PRPF6: variants seen among roughly 807,000 people sequenced by gnomAD.
PRPF6 encodes the protein pre-mRNA-processing factor 6.
A neutral mutation model predicts 118.3 loss-of-function variants in PRPF6; 42 were observed. The ratio of observed to expected loss-of-function variants is 0.35; its 90% CI spans 0.28 to 0.46. The LOEUF is 0.46. PRPF6 is among the 20% of genes least tolerant of loss of function. The pLI is 1.00. For synonymous variants in PRPF6, 481 were observed against 485.1 expected, an observed-to-expected ratio of 0.99 and a Z score of 0.11; for missense variants, 662 against 1,255.7, an observed-to-expected ratio of 0.53 and a Z score of 7.15.
At position 64,005,317 on chromosome 20, in the gene PRPF6, A is replaced by T. The variant is rs117725420; in HGVS notation, c.1186+4078A>T. ...AATGACTCCATAAATTGAGTCCCGC[A>T]TGAATATTCTGTTCTTTAGAGACGC... On this transcript the variant is annotated intron_variant, in intron 9 of 20. Transcript: ENST00000266079. Among the ~76,000 whole-genome samples the T allele has an allele frequency of 7.7e-3, 1,169 of 152,332 alleles. 14 individuals carry two copies. Among genetic ancestry groups the T allele is most frequent in the Non-Finnish European group, 0.012 (841 of 68,036 alleles).
At chr20:63,998,229 G>A (rs2059149903) in intron 6 of PRPF6, among the ~76,000 whole-genome samples, 1 of 151,610 alleles carries the variant, frequency 6.6e-6, no homozygotes, top group African/African-American at 2.4e-5. Flanking sequence ...TGAGTAGCTG[G>A]GACTACAGGC....
intron 4 of PRPF6, 79 bp from the exon 5 acceptor site, chr20:63,994,837 G>T: frequency 1.3e-6 from 2 of 1,577,034 alleles, no homozygotes; most frequent in Admixed American, 1.7e-5. Context: ...GAGGCTAGGG[G>T]TGAGAGAGGG....
intron 3 of PRPF6, among the ~76,000 whole-genome samples, chr20:63,990,239 CAA>C (rs2059112520): frequency 1.3e-5 from 2 of 152,196 alleles, no homozygotes; most frequent in African/African-American, 4.8e-5. Flanking sequence ...GGTCTGCCCT[CAA>C]GACTCAAGTG....
intron 11 of PRPF6, among the ~76,000 whole-genome samples, chr20:64,016,067 A>C (rs189553926): frequency 6.6e-6 from 1 of 151,540 alleles, no homozygotes; most frequent in African/African-American, 2.4e-5. Context: ...GCAGTGAACT[A>C]TGATTGTACC....
At chr20:64,025,615 A>G (rs2059286054) in intron 14 of PRPF6, among the ~76,000 whole-genome samples, 1 of 150,860 alleles carries the variant, frequency 6.6e-6, no homozygotes. Flanking sequence ...CGAGTGCCCC[A>G]TTCAGGGGCT....
intron 19 of PRPF6, among the ~76,000 whole-genome samples, chr20:64,030,604 T>C (rs1016299980): frequency 1.3e-5 from 2 of 152,164 alleles, no homozygotes; most frequent in South Asian, 2.1e-4. Context: ...TCCTGCCCTG[T>C]GCGTTCACCT....
intron 5 of PRPF6, 109 bp from the exon 6 acceptor site, chr20:63,995,218 A>G (rs2059135994): frequency 6.3e-7 from 1 of 1,576,290 alleles, no homozygotes; most frequent in Non-Finnish European, 8.7e-7. Flanking sequence ...GTCTGTCTGC[A>G]CAGCTGTGCA....
chr20:63,983,710 A>G (rs1234991363), intron 2 of PRPF6, among the ~76,000 whole-genome samples: 1 of 142,502 alleles, frequency 7.0e-6, no homozygotes. Flanking sequence ...GCTGGAGTGC[A>G]GTGGTGTGAT....
intron 12 of PRPF6, among the ~76,000 whole-genome samples, chr20:64,021,235 CTG>C (rs2059261023): frequency 6.6e-6 from 1 of 151,514 alleles, no homozygotes; most frequent in Non-Finnish European, 1.5e-5. Context: ...AGCCCCATGT[CTG>C]TGTGTGCGTG....
intron 1 of PRPF6, 35 bp from the exon 2 acceptor site, chr20:63,983,012 A>T: frequency 6.2e-7 from 1 of 1,610,656 alleles, no homozygotes; most frequent in Non-Finnish European, 8.5e-7. Flanking sequence ...GAACAGAGTT[A>T]TTCAGACACC....
chr20:63,997,205 A>G (rs1004290703), intron 6 of PRPF6, among the ~76,000 whole-genome samples: 8 of 151,526 alleles, frequency 5.3e-5, no homozygotes, highest in Admixed American at 4.6e-4. Flanking sequence ...TCTGGATCTT[A>G]TATGACTGGA....
chr20:63,993,500 C>T lies in PRPF6; in HGVS notation c.438+15C>T, dbSNP rs371384048. The T allele has an allele frequency of 7.2e-5, 116 of 1,600,838 alleles. No individual in the cohort carries two copies. Among genetic ancestry groups the T allele is most frequent in the African/African-American group, 2.0e-4 (15 of 74,508 alleles). On this transcript the variant is annotated intron_variant, in intron 4 of 20. Coordinates refer to ENST00000266079, the MANE Select transcript of PRPF6 (RefSeq NM_012469.4). ...CAGACCTCAAGGTGAGCCGATGAAGCGGTGAATGGTGTGCGGTTTCTAACG... is the reference window on the plus strand; with the variant it reads ...CAGACCTCAAGGTGAGCCGATGAAGTGGTGAATGGTGTGCGGTTTCTAACG...
At chr20:64,017,732 T>G (rs1601527322) in intron 12 of PRPF6, among the ~76,000 whole-genome samples, 1 of 152,260 alleles carries the variant, frequency 6.6e-6, no homozygotes, top group Admixed American at 6.5e-5. Flanking sequence ...ACCTCTTATT[T>G]TTTTTTCTGG....
At chr20:64,016,960 T>C in intron 12 of PRPF6, 115 bp downstream of exon 12, 2 of 1,384,258 alleles carry the variant, frequency 1.4e-6, no homozygotes, top group East Asian at 2.5e-5. Context: ...TTTTTAAATC[T>C]GAGACGGGGT....
chr20:64,011,237 C>T lies in PRPF6; in HGVS notation c.1306-48C>T, dbSNP rs368829986. On this transcript the variant is annotated intron_variant, in intron 10 of 20. Coordinates refer to ENST00000266079, the MANE Select transcript of PRPF6 (RefSeq NM_012469.4). This position sits in a 1 kb window ranked among gnomAD's most constrained non-coding sequence, Gnocchi z 6.7. ...GGGTCGCTGTCTGGCCTGCAGCTGT[C>T]CCCCCAGCACAGTGTCCTCTCCTTT... is the stretch of plus-strand genomic sequence containing the variant. The T allele has an allele frequency of 5.1e-6, 8 of 1,574,780 alleles. No individual in the cohort carries two copies. In the East Asian group the frequency reaches 9.0e-5, roughly 18 times the overall value.
In PRPF6 at chr20:64,001,250, C is replaced by G. The variant is rs1217084968; in HGVS notation, c.1186+11C>G. On this transcript the variant is annotated intron_variant, in intron 9 of 20. Coordinates refer to ENST00000266079, the MANE Select transcript of PRPF6 (RefSeq NM_012469.4). ...GGGTTCTTCGGAAAGGTGAGCCTCC[C>G]TCGGAGGTGCTGCTTTCTCCCTCCT... The G allele has an allele frequency of 6.2e-7, 1 of 1,614,180 alleles. No homozygotes were observed. Among genetic ancestry groups the G allele is most frequent in the Non-Finnish European group, 8.5e-7 (1 of 1,180,006 alleles).
At position 64,011,420 on chromosome 20, in the gene PRPF6, C is replaced by T; in HGVS notation, c.1441C>T (p.Gln481Ter). ...AKLEEANGNT[Q>*]MVEKIIDRAI... is the part of the protein sequence containing the mutation. ...GCTGGAGGAAGCCAATGGGAACACGCAGATGGTGGAGAAGATCATCGACCG... is the reference window on the plus strand; with the variant it reads ...GCTGGAGGAAGCCAATGGGAACACGTAGATGGTGGAGAAGATCATCGACCG... The change falls in exon 11 of 21, where the codon CAG becomes TAG. Residue 481 changes from glutamine to a stop codon, truncating the protein, a stop_gained. Coordinates refer to ENST00000266079, the MANE Select transcript of PRPF6 (RefSeq NM_012469.4). LOFTEE classifies it high-confidence loss of function. The surrounding 1 kb of genome is among the most constrained non-coding windows in gnomAD (Gnocchi z 6.7). The T allele has an allele frequency of 6.2e-7, 1 of 1,614,212 alleles. No homozygotes were observed. The highest frequency in any genetic ancestry group is 8.5e-7 in the Non-Finnish European group (1 of 1,180,046).
intron 12 of PRPF6, among the ~76,000 whole-genome samples, chr20:64,018,692 C>G (rs2059249973): frequency 6.6e-6 from 1 of 152,034 alleles, no homozygotes; most frequent in Admixed American, 6.6e-5. Context: ...TTTCGAACTC[C>G]TGGCCTCAAG....
intron 3 of PRPF6, among the ~76,000 whole-genome samples, chr20:63,989,821 T>A (rs2059110734): frequency 6.6e-6 from 1 of 151,966 alleles, no homozygotes; most frequent in Non-Finnish European, 1.5e-5. Context: ...CTCTGTTGCT[T>A]TTTATACATG....
Sources: gnomAD v4.1 joint callset for allele counts (sites outside exome capture counted in the v4.1 genomes callset) on GRCh38, gnomAD v4.1.1 for gene constraint, Gnocchi (gnomAD v3.1) non-coding constraint, MANE v1.5 for transcripts, NCBI Gene and HGNC (gene_info 2026-07-23, HGNC 2026-07-21) for gene names.